The following SLC16A14 variants were observed in gnomAD, a reference collection of about 807,000 sequenced individuals.
The protein encoded by SLC16A14 is solute carrier family 16 member 14.
Under a neutral mutation model 35.8 loss-of-function variants are expected in SLC16A14, and 14 were observed. That is an observed-to-expected ratio of 0.39 (90% CI 0.26 to 0.61). SLC16A14 has a LOEUF of 0.61. SLC16A14 is among the 20% of genes least tolerant of loss of function. The probability of loss-of-function intolerance (pLI) is 0.51; values close to 1 mark genes in which losing one functional copy is unlikely to be tolerated. For missense variants in SLC16A14, 533 were observed against 655.0 expected (o/e 0.81, Z 2.03); for synonymous variants, 248 against 258.9 (o/e 0.96, Z 0.40).
chr2:230,058,932 C>A (rs9750739), intron 2 of SLC16A14, 162 bp downstream of exon 2: 12 of 941,820 alleles, frequency 1.3e-5, no homozygotes, highest in East Asian at 1.2e-4. Context: ...CGTGCCTGGC[C>A]TAAAATGGTA....
intron 4 of SLC16A14, among the ~76,000 whole-genome samples, chr2:230,041,739 C>T (rs985381958): frequency 3.3e-5 from 5 of 152,182 alleles, no homozygotes; most frequent in African/African-American, 9.7e-5. Context: ...TGTTCAATAT[C>T]TCTGATTCTA....
intron 3 of SLC16A14, 112 bp downstream of exon 3, chr2:230,049,649 G>C (rs2077641055): frequency 8.7e-7 from 1 of 1,145,090 alleles, no homozygotes; most frequent in African/African-American, 1.6e-5. Flanking sequence ...AAGTGGGGGG[G>C]AGGAAACAGA....
intron 2 of SLC16A14, among the ~76,000 whole-genome samples, chr2:230,052,037 C>A (rs966721422): frequency 6.6e-6 from 1 of 151,314 alleles, no homozygotes; most frequent in Non-Finnish European, 1.5e-5. Context: ...CCCGGGTTCG[C>A]GCCATTCTCC....
chr2:230,050,068 G>T (rs1247458016), intron 2 of SLC16A14, among the ~76,000 whole-genome samples, 164 bp from the exon 3 acceptor site: 2 of 152,216 alleles, frequency 1.3e-5, no homozygotes, highest in African/African-American at 4.8e-5. Context: ...ATGCAAAGAT[G>T]ATTTTAAGTA....
intron 2 of SLC16A14, among the ~76,000 whole-genome samples, chr2:230,055,418 C>T (rs1403760330): frequency 6.6e-6 from 1 of 152,156 alleles, no homozygotes; most frequent in Admixed American, 6.5e-5. Flanking sequence ...ATTTATATAA[C>T]TATGAGGCCT....
rs750727794 is a variant in SLC16A14 at position 230,049,884 on chromosome 2, T to A, written c.280A>T (p.Ile94Phe). 4.4e-6 allele frequency: 7 copies of A among 1,609,080 alleles called. No homozygotes were observed. Among genetic ancestry groups the A allele is most frequent in the Admixed American group, 3.4e-5 (2 of 58,684 alleles). Residue 94 changes from isoleucine (I) to phenylalanine (F), a missense_variant, in exon 3 of 5, where the codon ATT becomes TTT. Coordinates refer to ENST00000295190, the MANE Select transcript of SLC16A14 (RefSeq NM_152527.5). Reference sequence around the variant, plus strand: ...GTCTGGCGGCACCCACAGGTGTTAATGAACAAGCCGATGAAAGGGCCTGTC... The same window carrying A: ...GTCTGGCGGCACCCACAGGTGTTAAAGAACAAGCCGATGAAAGGGCCTGTC... ...LIVGPFIGLF[I>F]NTCGCRQTAI...
Position 230,045,828 on chromosome 2 carries a change from A to C in SLC16A14, c.1298T>G (p.Val433Gly). The change falls in exon 4 of 5, where the codon GTT becomes GGT. Residue 433 changes from valine (V) to glycine (G), a missense_variant. By Grantham distance (109) the Val-to-Gly change is moderately radical. Transcript: ENST00000295190. ...GGCATTGGCCAGGTGTTCAATGCCA[A>C]CCAAGTCTTCAGTCACTACGGGCAT... ...SLMPVVTEDL[V>G]GIEHLANAYG... The C allele has an allele frequency of 6.2e-7, 1 of 1,614,214 alleles. No homozygotes were observed. The highest frequency in any genetic ancestry group is 8.5e-7 in the Non-Finnish European group (1 of 1,180,040).
chr2:230,044,305 T>A (rs2077583049), intron 4 of SLC16A14, among the ~76,000 whole-genome samples: 1 of 144,604 alleles, frequency 6.9e-6, no homozygotes, highest in Non-Finnish European at 1.5e-5. Context: ...AAACCCCGTC[T>A]CTACTTAAAA....
chr2:230,067,843 C>A (rs764771522), intron 1 of SLC16A14, among the ~76,000 whole-genome samples: 2 of 152,220 alleles, frequency 1.3e-5, no homozygotes, highest in Non-Finnish European at 2.9e-5. Flanking sequence ...CAATCGGAAG[C>A]GCTAAGGGGG....
intron 4 of SLC16A14, among the ~76,000 whole-genome samples, chr2:230,043,274 C>T (rs960138051): frequency 6.6e-6 from 1 of 152,178 alleles, no homozygotes; most frequent in Non-Finnish European, 1.5e-5. Context: ...GACTTTAAAC[C>T]TTTAGTCAGC....
At chr2:230,060,897 C>T (rs1003245272) in intron 1 of SLC16A14, among the ~76,000 whole-genome samples, 2 of 152,040 alleles carry the variant, frequency 1.3e-5, no homozygotes, top group African/African-American at 2.4e-5. Context: ...TGGAAAACCA[C>T]ATCTGATGGT....
chr2:230,049,652 GA>G, intron 3 of SLC16A14, 108 bp downstream of exon 3: 1 of 1,185,870 alleles, frequency 8.4e-7, no homozygotes, highest in Non-Finnish European at 1.2e-6. Flanking sequence ...TGGGGGGGAG[GA>G]AACAGAACAG....
intron 4 of SLC16A14, among the ~76,000 whole-genome samples, chr2:230,042,415 G>A (rs2077568141): frequency 6.6e-6 from 1 of 152,186 alleles, no homozygotes; most frequent in South Asian, 2.1e-4. Flanking sequence ...CTGGTGCGTT[G>A]ACTAACATTG....
chr2:230,044,240 G>A (rs1044268244), intron 4 of SLC16A14, among the ~76,000 whole-genome samples: 12 of 151,484 alleles, frequency 7.9e-5, no homozygotes, highest in East Asian at 2.0e-4. Context: ...TTGGGAGGCC[G>A]AGGCAGGAGG....
intron 2 of SLC16A14, among the ~76,000 whole-genome samples, chr2:230,057,637 T>G (rs531784074): frequency 6.6e-6 from 1 of 152,006 alleles, no homozygotes; most frequent in Admixed American, 6.6e-5. Context: ...GAATATATTG[T>G]TATTCCTTTC....
chr2:230,063,601 T>G (rs1476675047), intron 1 of SLC16A14, among the ~76,000 whole-genome samples: 2 of 152,190 alleles, frequency 1.3e-5, no homozygotes, highest in East Asian at 3.8e-4. Context: ...AGTTCACACT[T>G]TAGCGTGACC....
chr2:230,047,477 A>AT (rs934466989), intron 3 of SLC16A14, among the ~76,000 whole-genome samples: 4 of 151,308 alleles, frequency 2.6e-5, no homozygotes, highest in Admixed American at 2.0e-4. Flanking sequence ...TAATTTTTGT[A>AT]TTTTTTTTGT....
At chr2:230,052,231 G>A (rs1045586496) in intron 2 of SLC16A14, among the ~76,000 whole-genome samples, 17 of 151,950 alleles carry the variant, frequency 1.1e-4, no homozygotes, top group African/African-American at 2.4e-4. Flanking sequence ...CACCGCGCCC[G>A]GCCTAAACAT....
chr2:230,059,650 T>C (rs1460861850), intron 1 of SLC16A14, among the ~76,000 whole-genome samples: 1 of 152,256 alleles, frequency 6.6e-6, no homozygotes, highest in Non-Finnish European at 1.5e-5. Context: ...GGCCTGTATT[T>C]AGTATGGTCA....
Sources: gnomAD v4.1 joint callset for allele counts (sites outside exome capture counted in the v4.1 genomes callset) on GRCh38, gnomAD v4.1.1 for gene constraint, MANE v1.5 for transcripts, NCBI Gene and HGNC (gene_info 2026-07-23, HGNC 2026-07-21) for gene names.